The following MED14 variants were observed in gnomAD, a reference collection of about 807,000 sequenced individuals.
The protein encoded by MED14 is mediator complex subunit 14, also known as mediator of RNA polymerase II transcription subunit 14.
In MED14, 8 loss-of-function variants were observed where a neutral mutation model predicts 109.0. The ratio of observed to expected loss-of-function variants is 0.07; its 90% CI spans 0.04 to 0.13. The LOEUF is 0.13. Ranked by LOEUF, MED14 falls within the 10% of genes least tolerant of loss-of-function variation. The probability of loss-of-function intolerance (pLI) is 1.00; values close to 1 mark genes in which losing one functional copy is unlikely to be tolerated. For missense variants in MED14, 711 were observed against 1,142.4 expected (o/e 0.62, Z 5.44); for synonymous variants, 399 against 408.7 (o/e 0.98, Z 0.29).
At position 40,675,228 on chromosome X, in the gene MED14, TG is replaced by T; in HGVS notation, c.3013del (p.Gln1005SerfsTer34). On this transcript the variant is annotated frameshift_variant, in exon 22 of 31. Transcript: ENST00000324817. LOFTEE classifies it high-confidence loss of function. The stretch of plus-strand genomic sequence containing the variant: ...ATTCTGGCTAGATATTACCTGTTGC[TG>T]GGGTGGTGGCTGGAGCTGCGATATT... ...SLISQLQPPP[Q>X]QQPFPKQPGT... is the part of the protein sequence containing the mutation. 8.4e-7 allele frequency: 1 copy of T among 1,184,280 alleles called. No individual in the cohort carries two copies. Among genetic ancestry groups the T allele is most frequent in the Non-Finnish European group, 1.1e-6 (1 of 884,297 alleles).
chrX:40,702,273 T>C (rs1274688691), intron 11 of MED14, among the ~76,000 whole-genome samples: 1 of 112,253 alleles, frequency 8.9e-6, no homozygotes, highest in African/African-American at 3.2e-5. Context: ...TTTCTAATTT[T>C]TGTGTGTTTA....
chrX:40,703,341 C>A, intron 11 of MED14, 103 bp downstream of exon 11: 1 of 711,987 alleles, frequency 1.4e-6, no homozygotes, highest in Non-Finnish European at 2.1e-6. Flanking sequence ...TTCAACACTG[C>A]ATATACCATT....
rs1275054777 is a variant in MED14, at chrX:40,649,548, T to C, written c.*2258A>G. On this transcript the variant is annotated 3_prime_UTR_variant, in exon 31 of 31. Coordinates refer to ENST00000324817, the MANE Select transcript of MED14 (RefSeq NM_004229.4). ...ATTAACTAGAGAGTTGGTAGTTCTC[T>C]GAAACTTTGTATAAATTTTATTTAT... 3 of 825,824 alleles carry C rather than the reference T, an allele frequency of 3.6e-6. No individual in the cohort carries two copies. The highest frequency in any genetic ancestry group is 4.6e-6 in the Non-Finnish European group (3 of 648,126). The allele number at this position is 825,824 out of a possible 1,213,427, so 68.1% of individuals were successfully genotyped here. A position where few individuals can be genotyped will look rare whatever the true frequency, so the allele number is the denominator to read the frequency against.
At chrX:40,720,060 C>T (rs1273952318) in intron 3 of MED14, among the ~76,000 whole-genome samples, 1 of 111,755 alleles carries the variant, frequency 8.9e-6, no homozygotes, top group African/African-American at 3.3e-5. Flanking sequence ...TGGACTTTAT[C>T]CCTGACATAA....
intron 3 of MED14, among the ~76,000 whole-genome samples, chrX:40,715,316 GAC>G (rs1931474285): frequency 9.0e-6 from 1 of 111,590 alleles, no homozygotes; most frequent in African/African-American, 3.3e-5. Flanking sequence ...CTGGGGAAAG[GAC>G]AGTTTCTTTA....
At position 40,650,199 on chromosome X, in the gene MED14, A is replaced by G; in HGVS notation, c.*1607T>C. The G allele has an allele frequency of 1.3e-6, 1 of 754,334 alleles. No homozygotes were observed. The highest frequency in any genetic ancestry group is 1.6e-6 in the Non-Finnish European group (1 of 639,227). The allele number at this position is 754,334 out of a possible 1,213,427, so 62.2% of individuals were successfully genotyped here. A position where few individuals can be genotyped will look rare whatever the true frequency, so the allele number is the denominator to read the frequency against. The stretch of plus-strand genomic sequence containing the variant: ...ATAAAAAGATTAAGTTAAAGGAAGG[A>G]TAAAAGTTTAGTCAACTGCTCCTGA... On this transcript the variant is annotated 3_prime_UTR_variant, in exon 31 of 31. Transcript: ENST00000324817.
At chrX:40,653,558 CAGAG>C (rs67551923) in intron 30 of MED14, among the ~76,000 whole-genome samples, 3,137 of 111,901 alleles carry the variant, frequency 0.028, 97 homozygotes, top group Admixed American at 0.12. Flanking sequence ...CTATTCTAAA[CAGAG>C]AGAGATACAG....
intron 3 of MED14, among the ~76,000 whole-genome samples, chrX:40,726,082 G>C (rs1363679796): frequency 8.9e-6 from 1 of 111,772 alleles, no homozygotes; most frequent in East Asian, 2.8e-4. Context: ...AACGCTTCTT[G>C]AACATAGCAT....
At chrX:40,692,043 G>GTT in intron 15 of MED14, 140 bp downstream of exon 15, 1 of 478,589 alleles carries the variant, frequency 2.1e-6, no homozygotes, top group East Asian at 3.7e-5. Flanking sequence ...TGCTATGATT[G>GTT]TAACCCTACC....
chrX:40,682,577 A>G (rs1245233861), intron 18 of MED14, 26 bp downstream of exon 18: 14 of 1,088,980 alleles, frequency 1.3e-5, no homozygotes, highest in Non-Finnish European at 1.4e-5. Context: ...TAATTTATTT[A>G]AAAAGGAGAT....
chrX:40,701,109 A>G (rs1930919774), intron 12 of MED14, 56 bp downstream of exon 12: 2 of 868,560 alleles, frequency 2.3e-6, no homozygotes, highest in Admixed American at 2.4e-5. Context: ...AGAAGAAAAC[A>G]TATCTTGTCA....
chrX:40,721,932 AC>A (rs761620132), intron 3 of MED14, among the ~76,000 whole-genome samples: 2 of 112,163 alleles, frequency 1.8e-5, no homozygotes, highest in East Asian at 5.6e-4. Flanking sequence ...GTCGGCAAAA[AC>A]CACAGCATTA....
chrX:40,649,426 C>T lies in MED14; in HGVS notation c.*2380G>A. On this transcript the variant is annotated 3_prime_UTR_variant, in exon 31 of 31. Transcript: ENST00000324817. ...TATACATTCTGAAATGGCATTTCAG[C>T]AGATGGAAAAATGAAGGTGGCAAAT... 1 of 194,408 alleles carries T rather than the reference C, an allele frequency of 5.1e-6. No homozygotes were observed. The highest frequency in any genetic ancestry group is 9.1e-6 in the Non-Finnish European group (1 of 110,398). The allele number at this position is 194,408 out of a possible 1,213,427, so 16.0% of individuals were successfully genotyped here.
chrX:40,665,071 T>C (rs1452540634), intron 24 of MED14, among the ~76,000 whole-genome samples: 1 of 112,264 alleles, frequency 8.9e-6, no homozygotes, highest in African/African-American at 3.2e-5. Context: ...CTTCAACATA[T>C]TATTTATATC....
chrX:40,714,196 A>G (rs1328658042), intron 4 of MED14, among the ~76,000 whole-genome samples: 1 of 112,187 alleles, frequency 8.9e-6, no homozygotes, highest in Non-Finnish European at 1.9e-5. Flanking sequence ...TATAAAATAC[A>G]ATATGGCACC....
At chrX:40,691,685 C>T (rs181452980) in intron 15 of MED14, among the ~76,000 whole-genome samples, 58 of 94,594 alleles carry the variant, frequency 6.1e-4, no homozygotes, top group African/African-American at 2.1e-3. Flanking sequence ...AATCTTGACT[C>T]ACTGCAACCT....
chrX:40,730,125 C>G (rs1932027275), intron 1 of MED14, among the ~76,000 whole-genome samples: 1 of 112,127 alleles, frequency 8.9e-6, no homozygotes, highest in South Asian at 3.7e-4. Flanking sequence ...AGTACACACA[C>G]CCAGCCATTT....
chrX:40,712,500 G>A (rs1253495972), intron 6 of MED14, among the ~76,000 whole-genome samples: 1 of 111,632 alleles, frequency 9.0e-6, no homozygotes, highest in Non-Finnish European at 1.9e-5. Flanking sequence ...CAAATTACAG[G>A]ATAAATTGCT....
chrX:40,720,778 G>A (rs1210977676), intron 3 of MED14, among the ~76,000 whole-genome samples: 1 of 109,168 alleles, frequency 9.2e-6, no homozygotes, highest in African/African-American at 3.3e-5. Context: ...AGAGTAAAAA[G>A]GACTTTGTCT....
Sources: gnomAD v4.1 joint callset for allele counts (sites outside exome capture counted in the v4.1 genomes callset) on GRCh38, gnomAD v4.1.1 for gene constraint, MANE v1.5 for transcripts, NCBI Gene and HGNC (gene_info 2026-07-23, HGNC 2026-07-21) for gene names.